LOC114841035: variants seen among roughly 807,000 people sequenced by gnomAD.
the LOC114841035 span, chr11:64,241,696 C>A: frequency 6.6e-6 from 1 of 152,226 alleles, no homozygotes; most frequent in African/African-American, 2.4e-5. Context: ...GGGGTGGTCT[C>A]CGTGGTGGCC....
chr11:64,243,053 C>CA, the LOC114841035 span: 10 of 686,032 alleles, frequency 1.5e-5, no homozygotes, highest in African/African-American at 1.8e-4. Flanking sequence ...GCCATGGCAA[C>CA]AGAGACTCCA....
At chr11:64,243,448 CA>C in the LOC114841035 span, 7 of 1,613,892 alleles carry the variant, frequency 4.3e-6, no homozygotes, top group Non-Finnish European at 5.9e-6. Flanking sequence ...TGTCTTCCTG[CA>C]GGATGTGTGA....
At chr11:64,242,384 A>G in the LOC114841035 span, 2 of 1,520,188 alleles carry the variant, frequency 1.3e-6, no homozygotes, top group East Asian at 2.6e-5. Flanking sequence ...GTGCCCACAG[A>G]GACATGAGGC....
the LOC114841035 span, chr11:64,242,376 G>T: frequency 6.6e-7 from 1 of 1,513,358 alleles, no homozygotes; most frequent in East Asian, 2.6e-5. Context: ...CGGGGTCTGT[G>T]CCCACAGAGA....
the LOC114841035 span, chr11:64,242,649 G>C: frequency 4.3e-6 from 6 of 1,386,400 alleles, no homozygotes; most frequent in Non-Finnish European, 5.8e-6. Context: ...AGCCAGGTAG[G>C]TGACCTTGGG....
At chr11:64,244,033 G>C in the LOC114841035 span, 1 of 1,613,868 alleles carries the variant, frequency 6.2e-7, no homozygotes, top group Middle Eastern at 1.7e-4. Flanking sequence ...GCTGTAACCA[G>C]ACTGGGGAGG....
At chr11:64,242,572 G>A in the LOC114841035 span, 27 of 1,529,184 alleles carry the variant, frequency 1.8e-5, no homozygotes, top group Admixed American at 4.8e-5. Context: ...AGTGGGTTGG[G>A]CGGGCCTTTT....
the LOC114841035 span, chr11:64,243,205 C>T: frequency 1.9e-6 from 3 of 1,613,554 alleles, no homozygotes; most frequent in African/African-American, 4.0e-5. Context: ...ACAGGGGAAG[C>T]TGGAAGATGG....
chr11:64,242,370 G>A, the LOC114841035 span: 3 of 1,501,402 alleles, frequency 2.0e-6, no homozygotes, highest in Non-Finnish European at 2.7e-6. Context: ...GTCGGTCGGG[G>A]TCTGTGCCCA....
the LOC114841035 span, chr11:64,243,785 C>G: frequency 1.1e-5 from 17 of 1,603,886 alleles, no homozygotes; most frequent in Non-Finnish European, 1.3e-5. Context: ...CTCCCTTTGC[C>G]CACACTGGAA....
At chr11:64,242,264 G>A in the LOC114841035 span, 1 of 1,018,616 alleles carries the variant, frequency 9.8e-7, no homozygotes, top group East Asian at 3.1e-5. Context: ...CGGGACAAAG[G>A]GGATCCCCCG....
At chr11:64,243,097 TGTGGGTGGGC>T in the LOC114841035 span, 1 of 1,000,214 alleles carries the variant, frequency 1.0e-6, no homozygotes, top group Non-Finnish European at 1.6e-6. Context: ...CCACCAGGGC[TGTGGGTGGGC>T]GTGGGGGGGC....
chr11:64,244,093 CAAAAAACAAA>C, the LOC114841035 span: 7 of 1,524,376 alleles, frequency 4.6e-6, no homozygotes, highest in Admixed American at 1.3e-4. Flanking sequence ...AAAAAAAAAA[CAAAAAACAAA>C]AACAAACAAA....
chr11:64,243,588 G>T, the LOC114841035 span: 10 of 1,498,068 alleles, frequency 6.7e-6, no homozygotes, highest in Non-Finnish European at 9.3e-6. Flanking sequence ...GGTCTTCACC[G>T]TATCCATTCA....
the LOC114841035 span, chr11:64,243,390 C>G: frequency 1.4e-4 from 221 of 1,610,218 alleles, 2 homozygotes; most frequent in Non-Finnish European, 1.7e-4. Context: ...GAGGCAAGCC[C>G]CAGGGATACA....
chr11:64,242,216 A>G, the LOC114841035 span: 1 of 577,436 alleles, frequency 1.7e-6, no homozygotes, highest in South Asian at 2.8e-5. Flanking sequence ...CTGGACTGGT[A>G]AGTGTGGCCC....
chr11:64,243,367 A>T, the LOC114841035 span: 1 of 1,603,750 alleles, frequency 6.2e-7, no homozygotes, highest in Non-Finnish European at 8.5e-7. Flanking sequence ...ACCGCCCAGG[A>T]GGTAAGCTGT....
At chr11:64,243,120 C>A in the LOC114841035 span, 2 of 1,344,220 alleles carry the variant, frequency 1.5e-6, no homozygotes, top group Non-Finnish European at 2.1e-6. Flanking sequence ...GGGGGGGCAG[C>A]TTGATGGGGA....
At chr11:64,243,772 A>G in the LOC114841035 span, 1 of 1,590,366 alleles carries the variant, frequency 6.3e-7, no homozygotes, top group Non-Finnish European at 8.6e-7. Flanking sequence ...GGGGCGGAAC[A>G]CTCTCCCTTT....
Sources: gnomAD v4.1 joint callset for allele counts on GRCh38, gnomAD v4.1.1 for gene constraint, MANE v1.5 for transcripts.